ESYT2: variants seen among roughly 807,000 people sequenced by gnomAD.
The protein encoded by ESYT2 is extended synaptotagmin 2.
ESYT2 carries 54 observed loss-of-function variants against 107.2 expected under a neutral mutation model. The observed-to-expected ratio is 0.50, with a 90% CI of 0.40 to 0.63. The LOEUF is 0.63. ESYT2 is among the 30% of genes least tolerant of loss of function. The pLI, the probability that ESYT2 is intolerant of heterozygous loss-of-function variation, is 0.00. For synonymous variants in ESYT2, 491 were observed against 434.1 expected (o/e 1.13, Z -1.63); for missense variants, 1,020 against 1,094.5 (o/e 0.93, Z 0.96).
Position 158,734,341 on chromosome 7 carries a change from T to C in ESYT2, c.2555+81A>G, listed in dbSNP as rs1310512941. ...ATACGTGTCGGGTTCCACCACTGTC[T>C]GTGGGGGACACTACCCACTGGGCGG... On this transcript the variant is annotated intron_variant, in intron 22 of 22. Transcript: ENST00000275418. 6 of 1,606,346 alleles carry C rather than the reference T, an allele frequency of 3.7e-6. No individual in the cohort carries two copies. The African/African-American group carries it at 8.0e-5, about 21-fold the overall frequency.
At chr7:158,756,088 T>G (rs1223623496) in intron 13 of ESYT2, among the ~76,000 whole-genome samples, 4 of 152,088 alleles carry the variant, frequency 2.6e-5, no homozygotes, top group African/African-American at 9.7e-5. Flanking sequence ...TCCCCCTACT[T>G]TAAAAAATAA....
intron 1 of ESYT2, among the ~76,000 whole-genome samples, chr7:158,814,581 C>T (rs932200395): frequency 2.0e-4 from 31 of 152,138 alleles, no homozygotes; most frequent in African/African-American, 7.5e-4. Flanking sequence ...CACCTCCTAA[C>T]GTATTTAAGA....
At chr7:158,738,735 G>T (rs1837076853) in intron 19 of ESYT2, among the ~76,000 whole-genome samples, 1 of 152,142 alleles carries the variant, frequency 6.6e-6, no homozygotes, top group African/African-American at 2.4e-5. Context: ...TTACAGGCGT[G>T]AGCCACCATG....
intron 1 of ESYT2, among the ~76,000 whole-genome samples, chr7:158,817,911 A>G (rs1026139050): frequency 1.3e-5 from 2 of 152,236 alleles, no homozygotes; most frequent in Non-Finnish European, 1.5e-5. Flanking sequence ...CTAGCATATA[A>G]TAGGTACTCC....
chr7:158,762,005 G>A (rs139374243), intron 10 of ESYT2, among the ~76,000 whole-genome samples: 2 of 152,110 alleles, frequency 1.3e-5, no homozygotes, highest in South Asian at 2.1e-4. Flanking sequence ...CACAGTGAAC[G>A]CTAACCTCAC....
chr7:158,734,483 T>TA lies in ESYT2; in HGVS notation c.2506-13dup. On this transcript the variant is annotated splice_polypyrimidine_tract_variant and intron_variant, in intron 21 of 22. Coordinates refer to ENST00000275418, the MANE Select transcript of ESYT2 (RefSeq NM_001367773.1). Reference sequence around the variant, plus strand: ...AGAGCAACCAATACCTGTGGGTTGTTAAAAAAGCAGTTAAAGTAGGCTGGG... The same window carrying TA: ...AGAGCAACCAATACCTGTGGGTTGTTAAAAAAAGCAGTTAAAGTAGGCTGGG... 1 of 1,612,046 alleles carries TA rather than the reference T, an allele frequency of 6.2e-7. No individual in the cohort carries two copies. Among genetic ancestry groups the TA allele is most frequent in the Non-Finnish European group, 8.5e-7 (1 of 1,179,120 alleles).
chr7:158,825,344 C>A (rs1310179281), intron 1 of ESYT2, among the ~76,000 whole-genome samples: 7 of 152,166 alleles, frequency 4.6e-5, no homozygotes, highest in African/African-American at 1.7e-4. Flanking sequence ...CTCTTCTTCA[C>A]CCAGGGTAGT....
intron 7 of ESYT2, 63 bp downstream of exon 7, chr7:158,773,278 G>A: frequency 6.4e-7 from 1 of 1,570,846 alleles, no homozygotes; most frequent in Non-Finnish European, 8.8e-7. Context: ...CTATTGTCAA[G>A]ACATCCAAAA....
chr7:158,795,559 C>G (rs541148989), intron 3 of ESYT2, among the ~76,000 whole-genome samples: 1 of 152,124 alleles, frequency 6.6e-6, no homozygotes, highest in Non-Finnish European at 1.5e-5. Context: ...GAGGGAGAGA[C>G]AGCAGGACAA....
intron 19 of ESYT2, among the ~76,000 whole-genome samples, chr7:158,737,572 G>A (rs935009668): frequency 6.6e-6 from 1 of 152,088 alleles, no homozygotes; most frequent in African/African-American, 2.4e-5. Context: ...CTCCTTTGCA[G>A]CAAACGCGGT....
rs879669787 is a variant in ESYT2, at chr7:158,781,399, AGT to A, written c.747+6603_747+6604del. ...GAGAGTGAACGAGTGTTGAGAACAA[AGT>A]GTGAGGTGTGAGTGTAAGAACGAGT... On this transcript the variant is annotated intron_variant, in intron 6 of 22. Transcript: ENST00000275418. Among the ~76,000 whole-genome samples, 865 of 148,004 alleles carry A rather than the reference AGT, an allele frequency of 5.8e-3. 10 individuals are homozygous for A. The highest frequency in any genetic ancestry group is 0.024 in the Admixed American group (349 of 14,616).
At chr7:158,807,441 AAGG>A (rs1424431934) in intron 1 of ESYT2, among the ~76,000 whole-genome samples, 1 of 152,140 alleles carries the variant, frequency 6.6e-6, no homozygotes, top group East Asian at 1.9e-4. Context: ...GACTTATGAG[AAGG>A]AGGTCGGAAA....
intron 3 of ESYT2, among the ~76,000 whole-genome samples, chr7:158,795,574 GCCCC>G (rs879571693): frequency 0.13 from 19,418 of 152,194 alleles, 1,400 homozygotes; most frequent in African/African-American, 0.2. Context: ...GGACAATGCA[GCCCC>G]TGCGGCCACG....
intron 1 of ESYT2, among the ~76,000 whole-genome samples, chr7:158,822,143 T>A (rs1386940047): frequency 6.6e-6 from 1 of 152,208 alleles, no homozygotes; most frequent in African/African-American, 2.4e-5. Flanking sequence ...TGAGACAGAA[T>A]CGTCATGAAA....
At chr7:158,739,763 T>C (rs67791668) in intron 18 of ESYT2, among the ~76,000 whole-genome samples, 36,024 of 151,976 alleles carry the variant, frequency 0.24, 5,138 homozygotes, top group East Asian at 0.59. Flanking sequence ...ACTGAGTTCC[T>C]GACCACAACA....
At chr7:158,812,607 G>T (rs112709547) in intron 1 of ESYT2, among the ~76,000 whole-genome samples, 184 of 152,218 alleles carry the variant, frequency 1.2e-3, no homozygotes, top group African/African-American at 4.2e-3. Flanking sequence ...ATACTCAAAA[G>T]AACTGAAAAT....
intron 13 of ESYT2, among the ~76,000 whole-genome samples, chr7:158,753,193 A>G (rs1837638159): frequency 6.6e-6 from 1 of 152,212 alleles, no homozygotes; most frequent in South Asian, 2.1e-4. Context: ...AAACCCCTAA[A>G]ATACCAATCA....
chr7:158,788,886 T>A (rs968990247), intron 4 of ESYT2, among the ~76,000 whole-genome samples: 10 of 152,258 alleles, frequency 6.6e-5, no homozygotes, highest in African/African-American at 2.4e-4. Flanking sequence ...CACAGTGCCC[T>A]AGGCCTCTAT....
At chr7:158,801,107 G>GGC (rs1307626594) in intron 1 of ESYT2, among the ~76,000 whole-genome samples, 1 of 152,140 alleles carries the variant, frequency 6.6e-6, no homozygotes, top group Non-Finnish European at 1.5e-5. Flanking sequence ...CGTCGGAGGC[G>GGC]GCGGCACCCA....
Sources: gnomAD v4.1 joint callset for allele counts (sites outside exome capture counted in the v4.1 genomes callset) on GRCh38, gnomAD v4.1.1 for gene constraint, MANE v1.5 for transcripts, NCBI Gene and HGNC (gene_info 2026-07-23, HGNC 2026-07-21) for gene names.